MGA: variants seen among roughly 807,000 people sequenced by gnomAD.
MGA encodes MAX dimerization protein MGA.
Under a neutral mutation model 261.1 loss-of-function variants are expected in MGA, and 40 were observed. The observed-to-expected ratio is 0.15, with a 90% CI of 0.12 to 0.20. The LOEUF is 0.20. Among genes scored for constraint, MGA ranks in the 10% least tolerant of loss-of-function variants. The probability of loss-of-function intolerance (pLI) is 1.00; values close to 1 mark genes in which losing one functional copy is unlikely to be tolerated. For synonymous variants in MGA, 1,302 were observed against 1,290.6 expected, an observed-to-expected ratio of 1.01 and a Z score of -0.19; for missense variants, 3,397 against 3,630.5, an observed-to-expected ratio of 0.94 and a Z score of 1.65.
At chr15:41,756,351 A>G (rs2063147034) in intron 18 of MGA, among the ~76,000 whole-genome samples, 1 of 152,226 alleles carries the variant, frequency 6.6e-6, no homozygotes, top group South Asian at 2.1e-4. Flanking sequence ...GGAAATACAG[A>G]TAAAACCACA....
At chr15:41,662,060 A>G (rs2057444543) in intron 1 of MGA, among the ~76,000 whole-genome samples, 1 of 152,086 alleles carries the variant, frequency 6.6e-6, no homozygotes, top group Non-Finnish European at 1.5e-5. Context: ...CTCTCGGGGA[A>G]GGCAGTGAGA....
intron 18 of MGA, 31 bp downstream of exon 18, chr15:41,754,598 T>C (rs2063037944): frequency 6.6e-7 from 1 of 1,509,624 alleles, no homozygotes; most frequent in Admixed American, 2.4e-5. Context: ...GATTGTTGTT[T>C]TTGTAGTTTT....
chr15:41,629,324 C>A (rs2056537423), intron 1 of MGA, among the ~76,000 whole-genome samples: 1 of 151,950 alleles, frequency 6.6e-6, no homozygotes, highest in African/African-American at 2.4e-5. Context: ...GCCAGTGGTG[C>A]CATTTACAGA....
At chr15:41,689,296 A>C (rs1595727420) in intron 2 of MGA, among the ~76,000 whole-genome samples, 1 of 139,644 alleles carries the variant, frequency 7.2e-6, no homozygotes, top group African/African-American at 2.7e-5. Context: ...GCCTTCCCTT[A>C]CCCTCTCTCC....
intron 9 of MGA, among the ~76,000 whole-genome samples, chr15:41,715,673 T>C (rs2060596380): frequency 6.6e-6 from 1 of 152,164 alleles, no homozygotes; most frequent in South Asian, 2.1e-4. Flanking sequence ...AATTAAAATA[T>C]ATTAATGACT....
intron 7 of MGA, among the ~76,000 whole-genome samples, chr15:41,709,218 A>G (rs183792596): frequency 2.0e-4 from 31 of 152,000 alleles, no homozygotes; most frequent in African/African-American, 7.5e-4. Context: ...GTGGTGGCGC[A>G]TTCCTGTAGT....
chr15:41,755,463 G>A (rs2063093912), intron 18 of MGA, among the ~76,000 whole-genome samples: 1 of 152,168 alleles, frequency 6.6e-6, no homozygotes, highest in African/African-American at 2.4e-5. Flanking sequence ...GGGATAATGA[G>A]TTCTGTATAC....
chr15:41,721,454 CGA>C (rs1410174444), intron 9 of MGA, among the ~76,000 whole-genome samples: 1 of 152,008 alleles, frequency 6.6e-6, no homozygotes, highest in Non-Finnish European at 1.5e-5. Flanking sequence ...GGAGATAGAA[CGA>C]GACTCTGTCT....
intron 20 of MGA, among the ~76,000 whole-genome samples, chr15:41,761,099 A>G (rs2063430758): frequency 1.3e-5 from 2 of 152,200 alleles, no homozygotes; most frequent in Admixed American, 1.3e-4. Flanking sequence ...TGGCACAGCT[A>G]TCCTTTCTTC....
At chr15:41,709,626 G>A (rs2060287085) in intron 7 of MGA, among the ~76,000 whole-genome samples, 1 of 151,670 alleles carries the variant, frequency 6.6e-6, no homozygotes, top group Non-Finnish European at 1.5e-5. Flanking sequence ...TTGTAGAGCT[G>A]GGGTTTGTGA....
chr15:41,762,431 T>C, intron 22 of MGA, 69 bp downstream of exon 22: 1 of 895,384 alleles, frequency 1.1e-6, no homozygotes. Context: ...ACTGACCACC[T>C]TCTCTTGTCC....
rs1204528358 is a variant in MGA at position 41,725,834 on chromosome 15, CAAAA to C, written c.3431-1327_3431-1324del. On this transcript the variant is annotated intron_variant, in intron 9 of 23. Coordinates refer to ENST00000219905, the MANE Select transcript of MGA (RefSeq NM_001164273.2). Reference sequence around the variant, plus strand: ...TGGGCGACAGAGCGAGACTCCGTCTCAAAAAAAAAAAAAAAAAAAAAATAAATAA... The same window carrying C: ...TGGGCGACAGAGCGAGACTCCGTCTCAAAAAAAAAAAAAAAAAATAAATAA... Among the ~76,000 whole-genome samples, 4 of 9,036 alleles carry C rather than the reference CAAAA, an allele frequency of 4.4e-4. 1 individual carries two copies. The highest frequency in any genetic ancestry group is 9.6e-4 in the African/African-American group (3 of 3,118). 5.9% of individuals were successfully genotyped at this position (9,036 alleles called of 152,430 possible).
At chr15:41,649,343 C>T (rs542520944) in intron 1 of MGA, among the ~76,000 whole-genome samples, 16 of 148,756 alleles carry the variant, frequency 1.1e-4, no homozygotes, top group South Asian at 4.2e-4. Context: ...GATCATGCCA[C>T]TGCACTCCAG....
At chr15:41,663,026 G>A (rs754134622) in intron 1 of MGA, among the ~76,000 whole-genome samples, 3 of 152,164 alleles carry the variant, frequency 2.0e-5, no homozygotes, top group Non-Finnish European at 4.4e-5. Flanking sequence ...ATTGAATTAG[G>A]AAACTATCTA....
Position 41,696,748 on chromosome 15 carries a change from A to G in MGA, c.1738A>G (p.Lys580Glu). Residue 580 changes from lysine (K) to glutamate (E), a missense_variant, in exon 3 of 24, where the codon AAA becomes GAA. Physicochemically the swap from Lys to Glu is moderately conservative, Grantham distance 56. Coordinates refer to ENST00000219905, the MANE Select transcript of MGA (RefSeq NM_001164273.2). ...TTCAGTTGGAGACTCACTTTCAGGAAAAGAGGACTTGGGCAGAAAGAGAAC... is the reference window on the plus strand; with the variant it reads ...TTCAGTTGGAGACTCACTTTCAGGAGAAGAGGACTTGGGCAGAAAGAGAAC... The G allele has an allele frequency of 6.2e-7, 1 of 1,611,414 alleles. No homozygotes were observed. The highest frequency in any genetic ancestry group is 1.1e-5 in the South Asian group (1 of 90,544).
intron 1 of MGA, among the ~76,000 whole-genome samples, chr15:41,622,881 A>G (rs2056341161): frequency 6.6e-6 from 1 of 152,214 alleles, no homozygotes; most frequent in South Asian, 2.1e-4. Flanking sequence ...ATGTTTTATT[A>G]TACCTTTTGA....
At chr15:41,645,033 G>C (rs2056908179) in intron 1 of MGA, among the ~76,000 whole-genome samples, 2 of 152,114 alleles carry the variant, frequency 1.3e-5, no homozygotes. Flanking sequence ...TTTTCATTTT[G>C]GTAATACATG....
chr15:41,629,050 G>T lies in MGA; in HGVS notation c.-68+7752G>T, dbSNP rs974780642. On this transcript the variant is annotated intron_variant, in intron 1 of 8. Transcript: ENST00000566718. ...GCAGCTACTTATGCTTAATCATAAT[G>T]CATTGAAAAAGTGCCACTGCACTCC... Among the ~76,000 whole-genome samples the T allele has an allele frequency of 2.1e-5, 3 of 144,824 alleles. No homozygotes were observed. In the East Asian group the frequency reaches 6.0e-4, roughly 29 times the overall value.
At chr15:41,657,499 G>T (rs1340694683), upstream of MGA, among the ~76,000 whole-genome samples, 1 of 151,670 alleles carries the variant, frequency 6.6e-6, no homozygotes, top group Non-Finnish European at 1.5e-5. Context: ...GATTATGGGC[G>T]CACGCCACCA....
Sources: allele counts gnomAD v4.1 joint callset (sites outside exome capture counted in the v4.1 genomes callset), GRCh38; gene constraint gnomAD v4.1.1; transcripts MANE v1.5; gene names NCBI Gene and HGNC (gene_info 2026-07-23, HGNC 2026-07-21).